Variants in CCDC93 observed in about 807,000 individuals in gnomAD.
CCDC93 encodes the protein coiled-coil domain-containing protein 93.
Under a neutral mutation model 108.2 loss-of-function variants are expected in CCDC93, and 61 were observed. The observed-to-expected ratio is 0.56, with a 90% CI of 0.46 to 0.70. The LOEUF is 0.70. Ranked by LOEUF, CCDC93 falls within the 30% of genes least tolerant of loss-of-function variation. CCDC93 has a pLI of 0.00. For missense variants in CCDC93, 685 were observed against 764.2 expected (o/e 0.90, Z 1.22); for synonymous variants, 276 against 260.4 (o/e 1.06, Z -0.58).
intron 16 of CCDC93, among the ~76,000 whole-genome samples, chr2:117,945,954 A>T (rs1678858943): frequency 6.6e-6 from 1 of 152,218 alleles, no homozygotes; most frequent in Non-Finnish European, 1.5e-5. Context: ...TTTTAGAAAC[A>T]ACAGGAGAGG....
chr2:117,965,880 T>C (rs1478643877), intron 11 of CCDC93, among the ~76,000 whole-genome samples: 3 of 151,752 alleles, frequency 2.0e-5, no homozygotes, highest in Admixed American at 1.3e-4. Context: ...ATCAGTTCTC[T>C]GGCAGAAAAA....
Position 117,932,119 on chromosome 2 carries a change from T to C in CCDC93, c.1729-969A>G, listed in dbSNP as rs553441408. 7.2e-5 allele frequency among the ~76,000 whole-genome samples: 11 copies of C among 152,162 alleles called. No homozygotes were observed. The South Asian group carries it at 2.1e-3, about 29-fold the overall frequency. On this transcript the variant is annotated intron_variant, in intron 22 of 23. Transcript: ENST00000376300. ...GCTCAGAGAGGCTCTCTGAGGACAC[T>C]AGAGCAGGGCTGGCAATGCTATGTG...
In CCDC93 at chr2:117,926,482, T is replaced by C. The variant is rs578162246; in HGVS notation, c.1842+4555A>G. ...AATACAAACTACCATCAGAGAATACTATAAACACCTCTACGCAAATAAACT... is the reference window on the plus strand; with the variant it reads ...AATACAAACTACCATCAGAGAATACCATAAACACCTCTACGCAAATAAACT... On this transcript the variant is annotated intron_variant, in intron 23 of 23. Coordinates refer to ENST00000376300, the MANE Select transcript of CCDC93 (RefSeq NM_019044.5). 1.4e-4 allele frequency among the ~76,000 whole-genome samples: 21 copies of C among 152,284 alleles called. No homozygotes were observed. The South Asian group carries it at 4.4e-3, about 32-fold the overall frequency.
intron 20 of CCDC93, chr2:117,937,026 G>T: frequency 2.3e-6 from 1 of 435,076 alleles, no homozygotes; most frequent in Non-Finnish European, 4.3e-6. Context: ...TCCCAGCTGA[G>T]AGGACACTAA....
At chr2:118,012,324 C>T (rs1022825980) in intron 1 of CCDC93, among the ~76,000 whole-genome samples, 9 of 152,016 alleles carry the variant, frequency 5.9e-5, no homozygotes, top group African/African-American at 2.2e-4. Context: ...TAGTGACATC[C>T]TAATAACACA....
intron 4 of CCDC93, chr2:117,999,057 A>G (rs1317392974): frequency 6.6e-6 from 1 of 152,250 alleles, no homozygotes; most frequent in Non-Finnish European, 1.5e-5. Context: ...CAGTCTTTCA[A>G]CTAAGTGCTT....
Position 117,952,381 on chromosome 2 carries a change from G to A in CCDC93, c.1060C>T (p.Leu354=). 1.9e-6 allele frequency: 3 copies of A among 1,611,026 alleles called. No homozygotes were observed. The highest frequency in any genetic ancestry group is 2.5e-6 in the Non-Finnish European group (3 of 1,177,134). The part of the protein sequence containing the change: ...QARYNEAKKT[L]TELKTYSEKL... Reference sequence around the variant, plus strand: ...AGAATCTATCTGCTCACCTCTGTCAGCGTTTTCTTGGCTTCATTATATCTG... The same window carrying A: ...AGAATCTATCTGCTCACCTCTGTCAACGTTTTCTTGGCTTCATTATATCTG... The change falls in exon 13 of 24, where the codon CTG becomes TTG. Residue 354 remains leucine (L), a synonymous_variant. Coordinates refer to ENST00000376300, the MANE Select transcript of CCDC93 (RefSeq NM_019044.5).
chr2:117,976,958 C>T (rs1177489936), intron 8 of CCDC93, among the ~76,000 whole-genome samples: 2 of 136,554 alleles, frequency 1.5e-5, no homozygotes, highest in African/African-American at 2.8e-5. Flanking sequence ...TTTTTTGAGA[C>T]GGAGTCTCAT....
At chr2:117,981,780 G>A (rs747498444) in intron 7 of CCDC93, among the ~76,000 whole-genome samples, 5 of 152,074 alleles carry the variant, frequency 3.3e-5, no homozygotes, top group Non-Finnish European at 5.9e-5. Flanking sequence ...TTCTGTTCCT[G>A]AGCCACACTA....
chr2:117,941,187 A>C lies in CCDC93; in HGVS notation c.1522+2T>G. 1 of 1,602,988 alleles carries C rather than the reference A, an allele frequency of 6.2e-7. No homozygotes were observed. Among genetic ancestry groups the C allele is most frequent in the Non-Finnish European group, 8.5e-7 (1 of 1,170,348 alleles). On this transcript the variant is annotated splice_donor_variant, in intron 19 of 23. Coordinates refer to ENST00000376300, the MANE Select transcript of CCDC93 (RefSeq NM_019044.5). LOFTEE classifies it high-confidence loss of function. ...GAGCTTGTCTGTGGTCAATGCACCT[A>C]CTCTGGCGGTAGAGTTCAATAAATC...
At chr2:117,954,981 T>C (rs1293350441) in intron 12 of CCDC93, among the ~76,000 whole-genome samples, 1 of 152,176 alleles carries the variant, frequency 6.6e-6, no homozygotes, top group East Asian at 1.9e-4. Context: ...GAGGCCTCCC[T>C]ACCCATGCAA....
In CCDC93 at chr2:117,932,006, T is replaced by C. The variant is rs551088075; in HGVS notation, c.1729-856A>G. Among the ~76,000 whole-genome samples, 12 of 152,194 alleles carry C rather than the reference T, an allele frequency of 7.9e-5. No homozygotes were observed. The South Asian group carries it at 2.3e-3, about 29-fold the overall frequency. ...CCCTGACAAACAGACACACAAAATATTCGCAACACTGATCGGTCCTGTGAG... is the reference window on the plus strand; with the variant it reads ...CCCTGACAAACAGACACACAAAATACTCGCAACACTGATCGGTCCTGTGAG... On this transcript the variant is annotated intron_variant, in intron 22 of 23. Transcript: ENST00000376300.
chr2:118,012,273 C>CAA (rs34723469), intron 1 of CCDC93, among the ~76,000 whole-genome samples: 1 of 133,070 alleles, frequency 7.5e-6, no homozygotes, highest in Non-Finnish European at 1.6e-5. Context: ...GACTCTGTCT[C>CAA]AAAAAAAAAA....
At chr2:117,951,694 A>C in intron 13 of CCDC93, 4 of 1,000,262 alleles carry the variant, frequency 4.0e-6, no homozygotes, top group Non-Finnish European at 3.6e-6. Context: ...CTGGATGAGG[A>C]TAGTTCTCTG....
intron 22 of CCDC93, chr2:117,931,490 C>T (rs574217782): frequency 4.8e-5 from 12 of 250,846 alleles, no homozygotes; most frequent in African/African-American, 1.1e-4. Flanking sequence ...GTCACAACTG[C>T]GAGAAGTGGG....
rs1573451341 is a variant in CCDC93 at position 117,919,461 on chromosome 2, G to C, written c.*882C>G. The stretch of plus-strand genomic sequence containing the variant: ...TTCCTCCTGACACCCTACTTGCCTT[G>C]AGTGCAGGGAACAGTGTCTATCTCT... On this transcript the variant is annotated 3_prime_UTR_variant, in exon 24 of 24. Transcript: ENST00000376300. 1 of 152,144 alleles carries C rather than the reference G, an allele frequency of 6.6e-6. No homozygotes were observed. The highest frequency in any genetic ancestry group is 2.1e-4 in the South Asian group (1 of 4,826). 9.4% of individuals were successfully genotyped at this position (152,144 alleles called of 1,614,324 possible).
chr2:117,946,974 A>G (rs1292093275), intron 15 of CCDC93, 92 bp from the exon 16 acceptor site: 2 of 948,146 alleles, frequency 2.1e-6, no homozygotes, highest in African/African-American at 3.2e-5. Flanking sequence ...TTATTTTCAC[A>G]TTTCATGAGT....
At chr2:118,003,700 T>G (rs775833960) in intron 3 of CCDC93, among the ~76,000 whole-genome samples, 14 of 152,054 alleles carry the variant, frequency 9.2e-5, no homozygotes, top group Non-Finnish European at 1.6e-4. Context: ...TTCATAAAGG[T>G]CCAGAGAGAA....
intron 6 of CCDC93, among the ~76,000 whole-genome samples, chr2:117,989,883 A>T (rs956849326): frequency 1.3e-5 from 2 of 152,252 alleles, no homozygotes; most frequent in Non-Finnish European, 2.9e-5. Context: ...ACTTCCTCAC[A>T]GCATTCCCTA....
Sources: allele counts gnomAD v4.1 joint callset (sites outside exome capture counted in the v4.1 genomes callset), GRCh38; gene constraint gnomAD v4.1.1; transcripts MANE v1.5; gene names NCBI Gene and HGNC (gene_info 2026-07-23, HGNC 2026-07-21).